Variants in GDA observed in about 807,000 individuals in gnomAD.
GDA encodes guanine deaminase.
A neutral mutation model predicts 59.6 loss-of-function variants in GDA; 18 were observed. That is an observed-to-expected ratio of 0.30 (90% CI 0.21 to 0.45). The LOEUF is 0.45. Among genes scored for constraint, GDA ranks in the 20% least tolerant of loss-of-function variants. The pLI is 1.00. For synonymous variants in GDA, 201 were observed against 201.1 expected (o/e 1.00, Z 0.00); for missense variants, 427 against 552.3 (o/e 0.77, Z 2.27).
chr9:72,142,198 T>C (rs2130654662), intron 1 of GDA, among the ~76,000 whole-genome samples: 1 of 152,258 alleles, frequency 6.6e-6, no homozygotes, highest in South Asian at 2.1e-4. Context: ...GAATGAGAAG[T>C]GGGGAAATCT....
chr9:72,195,172 TTGG>T (rs1454174424), intron 1 of GDA, among the ~76,000 whole-genome samples: 4 of 152,208 alleles, frequency 2.6e-5, no homozygotes, highest in Non-Finnish European at 5.9e-5. Context: ...CAGGGGGTGA[TTGG>T]TGAAGCCTTC....
At chr9:72,235,752 T>C (rs1249690907) in intron 10 of GDA, among the ~76,000 whole-genome samples, 1 of 152,108 alleles carries the variant, frequency 6.6e-6, no homozygotes, top group East Asian at 1.9e-4. Flanking sequence ...CTTTTGACTT[T>C]TCAGTATAAA....
intron 1 of GDA, among the ~76,000 whole-genome samples, chr9:72,155,062 T>A (rs771179722): frequency 1.3e-5 from 2 of 152,198 alleles, no homozygotes; most frequent in African/African-American, 4.8e-5. Context: ...AAACTTGCGA[T>A]GTGAACAATG....
At chr9:72,131,799 C>T (rs1043955286) in intron 1 of GDA, among the ~76,000 whole-genome samples, 1 of 152,070 alleles carries the variant, frequency 6.6e-6, no homozygotes, top group Admixed American at 6.6e-5. Flanking sequence ...AGAAAATGCT[C>T]GACTGCTATG....
At chr9:72,173,715 T>A (rs963722125) in intron 1 of GDA, among the ~76,000 whole-genome samples, 1 of 152,182 alleles carries the variant, frequency 6.6e-6, no homozygotes, top group Non-Finnish European at 1.5e-5. Context: ...GCCAGATCCA[T>A]AATTTAGCTA....
chr9:72,120,839 G>A (rs1825634273), intron 1 of GDA, among the ~76,000 whole-genome samples: 1 of 152,088 alleles, frequency 6.6e-6, no homozygotes, highest in Non-Finnish European at 1.5e-5. Flanking sequence ...GGAAACAGAA[G>A]GCAGCAGGCA....
At chr9:72,255,673 T>C (rs1038378508), downstream of GDA, among the ~76,000 whole-genome samples, 1 of 152,178 alleles carries the variant, frequency 6.6e-6, no homozygotes, top group African/African-American at 2.4e-5. Context: ...CAACAAACCC[T>C]CCAGCATCAT....
chr9:72,131,837 T>A (rs917205968), intron 1 of GDA, among the ~76,000 whole-genome samples: 1 of 152,148 alleles, frequency 6.6e-6, no homozygotes, highest in Non-Finnish European at 1.5e-5. Context: ...CCCCTTTATA[T>A]TAGTCTGTTT....
intron 1 of GDA, among the ~76,000 whole-genome samples, chr9:72,183,178 T>G (rs1831458350): frequency 6.6e-6 from 1 of 152,216 alleles, no homozygotes; most frequent in Non-Finnish European, 1.5e-5. Flanking sequence ...TCTCTAGGCC[T>G]CTCAGCAGAT....
At chr9:72,156,135 G>A (rs529993088) in intron 1 of GDA, among the ~76,000 whole-genome samples, 23 of 152,184 alleles carry the variant, frequency 1.5e-4, no homozygotes, top group Non-Finnish European at 2.2e-4. Context: ...AAGAGTGATC[G>A]CAAAATGTAT....
chr9:72,216,475 G>T (rs1030397328), intron 5 of GDA, among the ~76,000 whole-genome samples: 8 of 152,078 alleles, frequency 5.3e-5, no homozygotes, highest in Non-Finnish European at 7.4e-5. Context: ...GGTATACAAT[G>T]GAATATTATT....
intron 2 of GDA, among the ~76,000 whole-genome samples, chr9:72,196,669 C>T (rs1456101093): frequency 3.9e-5 from 6 of 152,112 alleles, no homozygotes; most frequent in African/African-American, 1.2e-4. Context: ...TGGTTTGCTG[C>T]ACCTATCAAC....
intron 4 of GDA, among the ~76,000 whole-genome samples, chr9:72,211,364 T>C (rs1226848521): frequency 6.6e-6 from 1 of 152,212 alleles, no homozygotes; most frequent in Admixed American, 6.5e-5. Context: ...ACTGATGTCC[T>C]CATGTTACAG....
At chr9:72,245,570 A>G (rs1840053367) in intron 12 of GDA, among the ~76,000 whole-genome samples, 1 of 152,196 alleles carries the variant, frequency 6.6e-6, no homozygotes, top group Non-Finnish European at 1.5e-5. Context: ...CTGGGTAGGC[A>G]TGGGATTAGG....
At chr9:72,223,276 C>T in intron 7 of GDA, 49 bp downstream of exon 7, 1 of 953,942 alleles carries the variant, frequency 1.0e-6, no homozygotes. Flanking sequence ...TGCAAGATTT[C>T]TCAGCACCCT....
chr9:72,230,978 A>G (rs1838269222), intron 9 of GDA, 136 bp from the exon 10 acceptor site: 2 of 689,060 alleles, frequency 2.9e-6, no homozygotes, highest in Admixed American at 2.0e-5. Flanking sequence ...TGATTTGACT[A>G]ATATGTTTGT....
At chr9:72,204,586 C>A (rs185111567) in intron 3 of GDA, among the ~76,000 whole-genome samples, 7 of 152,286 alleles carry the variant, frequency 4.6e-5, no homozygotes, top group African/African-American at 1.4e-4. Flanking sequence ...TAAAGCATAT[C>A]TATGCTTCAT....
intron 1 of GDA, among the ~76,000 whole-genome samples, chr9:72,167,942 T>C (rs1829507541): frequency 6.6e-6 from 1 of 152,160 alleles, no homozygotes; most frequent in Non-Finnish European, 1.5e-5. Context: ...AGTAAATTTT[T>C]ACTAGTGTTG....
At chr9:72,183,748 A>G (rs1831550896) in intron 1 of GDA, among the ~76,000 whole-genome samples, 1 of 152,172 alleles carries the variant, frequency 6.6e-6, no homozygotes, top group Non-Finnish European at 1.5e-5. Flanking sequence ...ACACATGTAA[A>G]GTATGTAGGA....
Sources: gnomAD v4.1 joint callset for allele counts (sites outside exome capture counted in the v4.1 genomes callset) on GRCh38, gnomAD v4.1.1 for gene constraint, MANE v1.5 for transcripts, NCBI Gene and HGNC (gene_info 2026-07-23, HGNC 2026-07-21) for gene names.